MAP3K3: variants seen among roughly 807,000 people sequenced by gnomAD.
MAP3K3 encodes MAP/ERK kinase kinase 3.
In MAP3K3, 12 loss-of-function variants were observed where a neutral mutation model predicts 80.9. That is an observed-to-expected ratio of 0.15 (90% CI 0.10 to 0.24). The LOEUF is 0.24. Ranked by LOEUF, MAP3K3 falls within the 10% of genes least tolerant of loss-of-function variation. The pLI is 1.00. For missense variants in MAP3K3, 596 were observed against 834.7 expected (o/e 0.71, Z 3.52); for synonymous variants, 272 against 307.1 (o/e 0.89, Z 1.19).
intron 2 of MAP3K3, chr17:63,637,044 T>C: frequency 1.9e-6 from 1 of 531,232 alleles, no homozygotes; most frequent in Non-Finnish European, 3.5e-6. Flanking sequence ...ACAAACTTTC[T>C]GGAAGAGGAG....
intron 2 of MAP3K3, among the ~76,000 whole-genome samples, chr17:63,641,303 C>T (rs1213388883): frequency 1.3e-5 from 2 of 150,154 alleles, no homozygotes; most frequent in Non-Finnish European, 2.9e-5. Flanking sequence ...AGTGCAGTGG[C>T]GTGATCTCGG....
Position 63,646,057 on chromosome 17 carries a change from G to T in MAP3K3, c.150G>T (p.Glu50Asp), listed in dbSNP as rs1230878267. 1 of 1,614,090 alleles carries T rather than the reference G, an allele frequency of 6.2e-7. No homozygotes were observed. Among genetic ancestry groups the T allele is most frequent in the South Asian group, 1.1e-5 (1 of 91,078 alleles). The stretch of plus-strand genomic sequence containing the variant: ...AGAGTGACGTCAGAATCAAGTTCGA[G>T]CACAACGGGGAGAGGCGGTAAGTCT... ...NRQSDVRIKF[E>D]HNGERRIIAF... Residue 50 changes from glutamate to aspartate, a missense_variant, in exon 3 of 16, where the codon GAG (glutamate) becomes GAT (aspartate). Physicochemically the swap from Glu to Asp is conservative, Grantham distance 45 (BLOSUM62 2). This residue lies in a region of MAP3K3 where 232 missense variants were observed against 245.8 expected (regional missense o/e 0.94). Coordinates refer to ENST00000361733, the MANE Select transcript of MAP3K3 (RefSeq NM_002401.5).
Position 63,693,841 on chromosome 17 carries a change from CAG to C in MAP3K3, c.*65_*66del. 7.1e-7 allele frequency: 1 copy of C among 1,415,206 alleles called. No individual in the cohort carries two copies. The allele number at this position is 1,415,206 out of a possible 1,614,324, so 87.7% of individuals were successfully genotyped here. On this transcript the variant is annotated 3_prime_UTR_variant, in exon 16 of 16. Coordinates refer to ENST00000361733, the MANE Select transcript of MAP3K3 (RefSeq NM_002401.5). The surrounding 1 kb of genome is among the most constrained non-coding windows in gnomAD (Gnocchi z 4.2). ...CATGGCAGGGGGCTGCTGCTGGGCTCAGTGAAGTTGCTGCTTCTCCCAGGCAA... is the reference window on the plus strand; with the variant it reads ...CATGGCAGGGGGCTGCTGCTGGGCTCTGAAGTTGCTGCTTCTCCCAGGCAA...
chr17:63,632,715 T>A lies in MAP3K3; in HGVS notation c.39T>A (p.Asp13Glu). Residue 13 changes from aspartate (D) to glutamate (E), a missense_variant, in exon 2 of 16, where the codon GAT becomes GAA. Around this residue, in one of 2 missense-constraint regions of MAP3K3, gnomAD observed 232 missense variants for 245.8 expected, o/e 0.94. Coordinates refer to ENST00000361733, the MANE Select transcript of MAP3K3 (RefSeq NM_002401.5). The stretch of plus-strand genomic sequence containing the variant: ...AGGCATTGAACTCAATCATGAACGA[T>A]CTGGTGGCCCTCCAGATGAACCGAC... ...EQEALNSIMN[D>E]LVALQMNRRH... 6.2e-7 allele frequency: 1 copy of A among 1,614,096 alleles called. No homozygotes were observed. Among genetic ancestry groups the A allele is most frequent in the Non-Finnish European group, 8.5e-7 (1 of 1,180,012 alleles).
At chr17:63,638,509 G>A (rs541784517) in intron 2 of MAP3K3, among the ~76,000 whole-genome samples, 2 of 152,276 alleles carry the variant, frequency 1.3e-5, no homozygotes, top group Non-Finnish European at 2.9e-5. Context: ...TTCTGCTTTA[G>A]TGTTATTGTC....
At position 63,688,860 on chromosome 17, in the gene MAP3K3, C is replaced by T. The variant is rs753706365; in HGVS notation, c.850C>T (p.His284Tyr). Residue 284 changes from histidine (H) to tyrosine (Y), a missense_variant, in exon 10 of 16, where the codon CAC (histidine) becomes TAC (tyrosine). His to Tyr is a moderately conservative substitution (Grantham distance 83, BLOSUM62 2). Transcript: ENST00000361733. ...TYPRRYHVSVHHKDYSDGRRT... is the reference protein window; with the variant it reads ...TYPRRYHVSVYHKDYSDGRRT... ...CCCCCGGCGCTACCACGTGTCTGTG[C>T]ACCACAAGGACTACAGTGATGGTGA... The T allele has an allele frequency of 6.2e-7, 1 of 1,613,834 alleles. No individual in the cohort carries two copies. The highest frequency in any genetic ancestry group is 8.5e-7 in the Non-Finnish European group (1 of 1,179,718).
intron 1 of MAP3K3, among the ~76,000 whole-genome samples, chr17:63,629,527 T>C (rs950907359): frequency 6.6e-6 from 1 of 152,142 alleles, no homozygotes; most frequent in Non-Finnish European, 1.5e-5. Context: ...GATAACTGGC[T>C]TGTGGCAGCC....
At chr17:63,680,564 G>T (rs933222875) in intron 6 of MAP3K3, among the ~76,000 whole-genome samples, 1 of 152,150 alleles carries the variant, frequency 6.6e-6, no homozygotes, top group African/African-American at 2.4e-5. Context: ...GTCAGAAAAA[G>T]CTCTTGGGCT....
intron 6 of MAP3K3, among the ~76,000 whole-genome samples, chr17:63,672,325 A>G (rs1194159266): frequency 6.6e-6 from 1 of 151,638 alleles, no homozygotes. Context: ...AATAATTTGC[A>G]GATATTGAGA....
chr17:63,655,015 G>GAC (rs2034735272), intron 4 of MAP3K3, among the ~76,000 whole-genome samples: 2 of 149,260 alleles, frequency 1.3e-5, no homozygotes, highest in Admixed American at 1.3e-4. Context: ...ACAGAGTTGA[G>GAC]ACTCTGTCTC....
At chr17:63,655,761 C>T (rs2143375320) in intron 4 of MAP3K3, among the ~76,000 whole-genome samples, 1 of 152,238 alleles carries the variant, frequency 6.6e-6, no homozygotes, top group Middle Eastern at 3.4e-3. Flanking sequence ...CCTAGGATTA[C>T]AGGTGTGAGC....
Position 63,688,556 on chromosome 17 carries a change from G to A in MAP3K3, c.740G>A (p.Arg247His), listed in dbSNP as rs773083246. The change falls in exon 9 of 16, where the codon CGT becomes CAT. Residue 247 changes from arginine (R) to histidine (H), a missense_variant. Physicochemically the swap from Arg to His is conservative, Grantham distance 29. Around this residue, in one of 2 missense-constraint regions of MAP3K3, gnomAD observed 364 missense variants for 588.9 expected, o/e 0.62. Coordinates refer to ENST00000361733, the MANE Select transcript of MAP3K3 (RefSeq NM_002401.5). ...SPSFRKSRMS[R>H]AQSFPDNRQE... is the part of the protein sequence containing the mutation. ...TCCTTCCGGAAATCACGAATGTCCC[G>A]TGCCCAGAGCTTCCCTGACAACAGA... is the stretch of plus-strand genomic sequence containing the variant. 11 of 1,613,992 alleles carry A rather than the reference G, an allele frequency of 6.8e-6. No individual in the cohort carries two copies. The highest frequency in any genetic ancestry group is 6.7e-5 in the East Asian group (3 of 44,888).
intron 2 of MAP3K3, chr17:63,636,773 A>C (rs1319601941): frequency 9.3e-6 from 3 of 323,182 alleles, no homozygotes; most frequent in Middle Eastern, 7.3e-4. Flanking sequence ...GAGGAAGACA[A>C]GGAGGCAGCC....
rs145910072 is a variant in MAP3K3, at chr17:63,632,759, A to G, written c.83A>G (p.Tyr28Cys). 33 of 1,614,132 alleles carry G rather than the reference A, an allele frequency of 2.0e-5. No individual in the cohort carries two copies. In the Middle Eastern group the frequency reaches 4.9e-4, roughly 24 times the overall value. The change falls in exon 2 of 16, where the codon TAT becomes TGT. Residue 28 changes from tyrosine (Y) to cysteine (C), a missense_variant. Tyr to Cys is a radical substitution (Grantham distance 194). This residue lies in a region of MAP3K3 where 232 missense variants were observed against 245.8 expected (regional missense o/e 0.94). Coordinates refer to ENST00000361733, the MANE Select transcript of MAP3K3 (RefSeq NM_002401.5). Reference protein sequence around the residue: ...QMNRRHRMPGYETMKNKDTGH... With the variant: ...QMNRRHRMPGCETMKNKDTGH... Reference sequence around the variant, plus strand: ...AACCGACGTCACCGGATGCCTGGATATGAGACCATGAAGAACAAAGACACA... The same window carrying G: ...AACCGACGTCACCGGATGCCTGGATGTGAGACCATGAAGAACAAAGACACA...
intron 8 of MAP3K3, among the ~76,000 whole-genome samples, chr17:63,687,522 A>G (rs974365086): frequency 1.3e-5 from 2 of 151,568 alleles, no homozygotes; most frequent in African/African-American, 4.8e-5. Context: ...AAAAAGAAAA[A>G]AAAAAAAAGC....
At chr17:63,625,379 G>A (rs1473721604) in intron 1 of MAP3K3, among the ~76,000 whole-genome samples, 1 of 152,038 alleles carries the variant, frequency 6.6e-6, no homozygotes, top group African/African-American at 2.4e-5. Context: ...TCCAGATTTA[G>A]TAATCATAGT....
At chr17:63,663,048 T>A (rs1436842204) in intron 5 of MAP3K3, among the ~76,000 whole-genome samples, 1 of 151,994 alleles carries the variant, frequency 6.6e-6, no homozygotes, top group African/African-American at 2.4e-5. Flanking sequence ...TGGAAATCAT[T>A]AGAAGCCAAG....
chr17:63,673,639 A>T (rs1230991839), intron 6 of MAP3K3, among the ~76,000 whole-genome samples: 1 of 152,166 alleles, frequency 6.6e-6, no homozygotes. Context: ...GGCGGGGTGC[A>T]GTGGCTCATG....
At position 63,689,911 on chromosome 17, in the gene MAP3K3, A is replaced by G; in HGVS notation, c.1063+176A>G. The G allele has an allele frequency of 1.6e-6, 1 of 625,072 alleles. No individual in the cohort carries two copies. The highest frequency in any genetic ancestry group is 2.7e-6 in the Non-Finnish European group (1 of 364,870). The allele number at this position is 625,072 out of a possible 1,614,324, so 38.7% of individuals were successfully genotyped here. ...AGCCTGGCTCCACTATTGTGTGACA[A>G]GCCTCTTCTCCTCTCTGATCTTTAG... On this transcript the variant is annotated intron_variant, in intron 11 of 15. Transcript: ENST00000361733. This position sits in a 1 kb window ranked among gnomAD's most constrained non-coding sequence, Gnocchi z 4.3.
Sources: gnomAD v4.1 joint callset for allele counts (sites outside exome capture counted in the v4.1 genomes callset) on GRCh38, gnomAD v4.1.1 for gene constraint, gnomAD v4.1.1 regional missense constraint, Gnocchi (gnomAD v3.1) non-coding constraint, MANE v1.5 for transcripts, NCBI Gene and HGNC (gene_info 2026-07-23, HGNC 2026-07-21) for gene names.